The following BBS7 variants were observed in gnomAD, a reference collection of about 807,000 sequenced individuals.
BBS7 encodes the protein Bardet-Biedl syndrome 7.
Under a neutral mutation model 90.3 loss-of-function variants are expected in BBS7, and 50 were observed. The ratio of observed to expected loss-of-function variants is 0.55; its 90% CI spans 0.44 to 0.70. The LOEUF (loss-of-function observed/expected upper bound fraction) is 0.70, where lower values mean the gene tolerates loss of function less well. BBS7 is among the 30% of genes least tolerant of loss of function. BBS7 has a pLI of 0.00. For synonymous variants in BBS7, 235 were observed against 287.4 expected, an observed-to-expected ratio of 0.82 and a Z score of 1.85; for missense variants, 729 against 838.9, an observed-to-expected ratio of 0.87 and a Z score of 1.62.
chr4:121,839,835 T>C (rs1174326084), intron 12 of BBS7, 139 bp from the exon 13 acceptor site: 2 of 715,940 alleles, frequency 2.8e-6, no homozygotes, highest in African/African-American at 3.6e-5. Flanking sequence ...TGTTCTAACT[T>C]ACACTTACAA....
At chr4:121,868,185 T>C in intron 1 of BBS7, 139 bp from the exon 2 acceptor site, 2 of 752,256 alleles carry the variant, frequency 2.7e-6, no homozygotes, top group Non-Finnish European at 2.3e-6. Flanking sequence ...TCTAATGAGA[T>C]ATGTCATATT....
intron 12 of BBS7, among the ~76,000 whole-genome samples, chr4:121,841,610 G>C (rs1041151894): frequency 5.7e-4 from 87 of 151,612 alleles, no homozygotes; most frequent in African/African-American, 2.0e-3. Context: ...ATTAGTGATG[G>C]GTACATGCAA....
chr4:121,858,725 G>A (rs914100735), intron 5 of BBS7: 1 of 359,136 alleles, frequency 2.8e-6, no homozygotes. Context: ...TGTAGTCAAA[G>A]TACTCCATTC....
rs767555283 is a variant in BBS7, at chr4:121,859,194, T to C, written c.342-16A>G. 4 of 1,610,092 alleles carry C rather than the reference T, an allele frequency of 2.5e-6. No individual in the cohort carries two copies. The highest frequency in any genetic ancestry group is 3.3e-5 in the Admixed American group (2 of 59,996). On this transcript the variant is annotated splice_polypyrimidine_tract_variant and intron_variant, in intron 4 of 18. Transcript: ENST00000264499. Reference sequence around the variant, plus strand: ...AGATATGTGCCTGAGAACATTAAAATAGTAATTTTTAAAAATAAGCACAGG... The same window carrying C: ...AGATATGTGCCTGAGAACATTAAAACAGTAATTTTTAAAAATAAGCACAGG...
intron 13 of BBS7, among the ~76,000 whole-genome samples, chr4:121,836,010 T>A (rs577107144): frequency 6.6e-6 from 1 of 152,300 alleles, no homozygotes; most frequent in South Asian, 2.1e-4. Context: ...GCTGTTATTA[T>A]AAAAATCTAT....
At chr4:121,827,147 T>C (rs1724953860) in intron 18 of BBS7, among the ~76,000 whole-genome samples, 1 of 152,250 alleles carries the variant, frequency 6.6e-6, no homozygotes, top group South Asian at 2.1e-4. Flanking sequence ...CAATCAGTGA[T>C]ATTATGTACA....
chr4:121,860,833 A>G (rs939471987), intron 4 of BBS7, among the ~76,000 whole-genome samples: 2 of 152,312 alleles, frequency 1.3e-5, no homozygotes, highest in African/African-American at 2.4e-5. Flanking sequence ...GGCTGATTAT[A>G]TAACTTGGCT....
chr4:121,865,082 T>C (rs1357738825), intron 2 of BBS7, among the ~76,000 whole-genome samples: 1 of 152,090 alleles, frequency 6.6e-6, no homozygotes, highest in Non-Finnish European at 1.5e-5. Flanking sequence ...GTATTCTCTG[T>C]CCTACTTTTT....
At chr4:121,838,355 A>G (rs535404729) in intron 13 of BBS7, among the ~76,000 whole-genome samples, 17 of 145,452 alleles carry the variant, frequency 1.2e-4, no homozygotes, top group Non-Finnish European at 2.4e-4. Flanking sequence ...GTGTAACAGC[A>G]TCTCTCTTGA....
chr4:121,855,420 C>T (rs1726557931), intron 6 of BBS7, 69 bp downstream of exon 6: 8 of 1,415,846 alleles, frequency 5.7e-6, no homozygotes, highest in South Asian at 3.5e-5. Context: ...TATGTCCTTT[C>T]TACAATTTCC....
intron 13 of BBS7, among the ~76,000 whole-genome samples, chr4:121,838,294 G>A (rs1435765832): frequency 7.0e-6 from 1 of 143,844 alleles, no homozygotes; most frequent in African/African-American, 2.6e-5. Flanking sequence ...TTGTTTAGGG[G>A]AAAAATCATA....
intron 2 of BBS7, among the ~76,000 whole-genome samples, chr4:121,865,491 A>T (rs1727217009): frequency 6.6e-6 from 1 of 152,148 alleles, no homozygotes; most frequent in Non-Finnish European, 1.5e-5. Flanking sequence ...CGCCCGCCTC[A>T]GCCTCCCAAA....
chr4:121,841,459 G>A (rs1393317098), intron 12 of BBS7, among the ~76,000 whole-genome samples: 2 of 152,098 alleles, frequency 1.3e-5, no homozygotes, highest in African/African-American at 4.8e-5. Context: ...TACGTACTCA[G>A]GAGACTGAGA....
intron 13 of BBS7, among the ~76,000 whole-genome samples, chr4:121,835,964 C>T (rs537020119): frequency 1.5e-4 from 23 of 152,148 alleles, no homozygotes; most frequent in South Asian, 6.2e-4. Context: ...CGTCTCTCTA[C>T]GTACATGTAC....
chr4:121,856,985 T>G (rs1283044456), intron 5 of BBS7, among the ~76,000 whole-genome samples: 3 of 152,104 alleles, frequency 2.0e-5, no homozygotes, highest in Non-Finnish European at 4.4e-5. Context: ...GCCAGACTGG[T>G]CTTGAACTCC....
chr4:121,850,664 AAC>A (rs1040383415), intron 8 of BBS7, among the ~76,000 whole-genome samples: 7 of 152,222 alleles, frequency 4.6e-5, no homozygotes, highest in African/African-American at 1.7e-4. Flanking sequence ...CGGCACTGGC[AAC>A]ACACTAATTG....
chr4:121,837,690 A>G (rs989250913), intron 13 of BBS7, among the ~76,000 whole-genome samples: 21 of 152,046 alleles, frequency 1.4e-4, no homozygotes, highest in Admixed American at 7.2e-4. Flanking sequence ...GTTTTATGGT[A>G]TGTTTTATCA....
At chr4:121,851,230 A>G (rs1726301106) in intron 8 of BBS7, among the ~76,000 whole-genome samples, 2 of 152,120 alleles carry the variant, frequency 1.3e-5, no homozygotes, top group South Asian at 4.2e-4. Flanking sequence ...AATTTTTTAC[A>G]AACTGTTCAT....
chr4:121,869,984 G>T (rs1279950241), intron 1 of BBS7, among the ~76,000 whole-genome samples: 1 of 152,230 alleles, frequency 6.6e-6, no homozygotes, highest in East Asian at 1.9e-4. Context: ...GGGAGGAGGA[G>T]AAGGGCCCTG....
Sources: gnomAD v4.1 joint callset for allele counts (sites outside exome capture counted in the v4.1 genomes callset) on GRCh38, gnomAD v4.1.1 for gene constraint, MANE v1.5 for transcripts, NCBI Gene and HGNC (gene_info 2026-07-23, HGNC 2026-07-21) for gene names.